Variants in LUZP1 observed in about 807,000 individuals in gnomAD.
LUZP1 encodes the protein filamin mechanobinding actin cross-linking protein.
In LUZP1, 25 loss-of-function variants were observed where a neutral mutation model predicts 71.3. The observed-to-expected ratio is 0.35, with a 90% CI of 0.26 to 0.49. LUZP1 has a LOEUF of 0.49. Ranked by LOEUF, LUZP1 falls within the 20% of genes least tolerant of loss-of-function variation. LUZP1 has a pLI of 0.99. For missense variants in LUZP1, 1,142 were observed against 1,300.8 expected, an observed-to-expected ratio of 0.88 and a Z score of 1.88; for synonymous variants, 481 against 506.4, an observed-to-expected ratio of 0.95 and a Z score of 0.67.
intron 2 of LUZP1, among the ~76,000 whole-genome samples, chr1:23,159,265 C>T (rs1446187122): frequency 1.5e-4 from 22 of 151,634 alleles, no homozygotes; most frequent in African/African-American, 4.4e-4. Flanking sequence ...GGCGTGAACC[C>T]GGGAGGCAGA....
chr1:23,145,008 A>G (rs1399127558), intron 2 of LUZP1, among the ~76,000 whole-genome samples: 1 of 151,396 alleles, frequency 6.6e-6, no homozygotes, highest in Admixed American at 6.6e-5. Flanking sequence ...TGATCTTCCC[A>G]CCTCAGCCTC....
intron 1 of LUZP1, among the ~76,000 whole-genome samples, chr1:23,170,549 C>T (rs1279984809): frequency 9.3e-5 from 14 of 150,576 alleles, no homozygotes; most frequent in Non-Finnish European, 2.1e-4. Flanking sequence ...TCACTGCAAC[C>T]TCTGCCTTCC....
chr1:23,115,031 G>A (rs1431566254), intron 2 of LUZP1, among the ~76,000 whole-genome samples: 1 of 152,178 alleles, frequency 6.6e-6, no homozygotes, highest in Non-Finnish European at 1.5e-5. Flanking sequence ...CATACCATTT[G>A]ATTAATTGGA....
chr1:23,142,239 C>T (rs1213416962), intron 2 of LUZP1, among the ~76,000 whole-genome samples: 1 of 152,144 alleles, frequency 6.6e-6, no homozygotes, highest in Non-Finnish European at 1.5e-5. Context: ...AGTAATCCTC[C>T]TGCCTTAGAC....
At chr1:23,177,285 G>C (rs992992479) in intron 1 of LUZP1, among the ~76,000 whole-genome samples, 1 of 152,076 alleles carries the variant, frequency 6.6e-6, no homozygotes. Context: ...AATTACAAGG[G>C]GTTCACAGAC....
chr1:23,165,515 T>C (rs1210771687), intron 2 of LUZP1, among the ~76,000 whole-genome samples: 1 of 145,534 alleles, frequency 6.9e-6, no homozygotes, highest in Non-Finnish European at 1.5e-5. Flanking sequence ...TCTCTATAAA[T>C]AAAAAAAAAA....
At chr1:23,096,068 A>G (rs1029991376) in intron 3 of LUZP1, among the ~76,000 whole-genome samples, 4 of 151,910 alleles carry the variant, frequency 2.6e-5, no homozygotes, top group Admixed American at 2.6e-4. Context: ...AGTTACTAAG[A>G]TTATTGGCTA....
At chr1:23,104,608 A>ATT (rs1643964801) in intron 3 of LUZP1, among the ~76,000 whole-genome samples, 1 of 152,212 alleles carries the variant, frequency 6.6e-6, no homozygotes, top group African/African-American at 2.4e-5. Context: ...GATACTTAAA[A>ATT]TATCTGTCAT....
intron 2 of LUZP1, among the ~76,000 whole-genome samples, chr1:23,154,392 T>A (rs951248416): frequency 6.6e-6 from 1 of 152,018 alleles, no homozygotes; most frequent in Non-Finnish European, 1.5e-5. Flanking sequence ...TTTTTTTAAT[T>A]ACCAGGCATG....
chr1:23,106,894 TC>T, intron 3 of LUZP1, among the ~76,000 whole-genome samples: 1 of 152,124 alleles, frequency 6.6e-6, no homozygotes, highest in East Asian at 1.9e-4. Flanking sequence ...ATCAAGTCAC[TC>T]CTCTGCTCTA....
Position 23,163,379 on chromosome 1 carries a change from T to C in LUZP1, c.-226+5387A>G, listed in dbSNP as rs575221044. On this transcript the variant is annotated intron_variant, in intron 2 of 4. Coordinates refer to ENST00000302291, the Ensembl canonical transcript of LUZP1. The stretch of plus-strand genomic sequence containing the variant: ...CTGGGCAACAAAGCAAAACCCTATC[T>C]CTACAAAAAAAAAAAAAATGTTTCT... Among the ~76,000 whole-genome samples the C allele has an allele frequency of 2.1e-5, 3 of 142,536 alleles. No homozygotes were observed. The South Asian group carries it at 6.6e-4, about 31-fold the overall frequency. The allele number at this position is 142,536 out of a possible 152,430, so 93.5% of individuals were successfully genotyped here. A position where few individuals can be genotyped will look rare whatever the true frequency, so the allele number is the denominator to read the frequency against.
At chr1:23,158,353 T>C (rs1483857677) in intron 2 of LUZP1, among the ~76,000 whole-genome samples, 1 of 152,192 alleles carries the variant, frequency 6.6e-6, no homozygotes, top group African/African-American at 2.4e-5. Context: ...AAATTTTTCT[T>C]GTAAAAGATG....
intron 1 of LUZP1, among the ~76,000 whole-genome samples, chr1:23,170,746 C>T (rs1177976723): frequency 2.0e-5 from 3 of 152,146 alleles, no homozygotes; most frequent in South Asian, 2.1e-4. Context: ...GGATTACAGA[C>T]GTGAGCCACC....
intron 2 of LUZP1, among the ~76,000 whole-genome samples, chr1:23,162,255 T>C (rs1386791281): frequency 2.6e-5 from 4 of 151,912 alleles, no homozygotes; most frequent in Non-Finnish European, 5.9e-5. Flanking sequence ...AGACAGGAAC[T>C]GAAAGGGAAC....
chr1:23,145,491 C>G (rs1644335988), intron 2 of LUZP1, among the ~76,000 whole-genome samples: 1 of 133,460 alleles, frequency 7.5e-6, no homozygotes, highest in African/African-American at 2.9e-5. Context: ...TTTTTTGAGA[C>G]GGAGTCTTAC....
At chr1:23,176,710 A>G (rs1335992950) in intron 1 of LUZP1, among the ~76,000 whole-genome samples, 1 of 152,206 alleles carries the variant, frequency 6.6e-6, no homozygotes, top group African/African-American at 2.4e-5. Flanking sequence ...AAAGAGTCTC[A>G]AGATCCAGTA....
chr1:23,088,632 A>G, exon 5 of LUZP1: 1 of 382,838 alleles, frequency 2.6e-6, no homozygotes, highest in East Asian at 4.6e-5. Context: ...AGAATGGTCC[A>G]ACTACTTGGT....
chr1:23,129,653 T>C (rs1443646515), intron 2 of LUZP1, among the ~76,000 whole-genome samples: 1 of 152,206 alleles, frequency 6.6e-6, no homozygotes, highest in Non-Finnish European at 1.5e-5. Context: ...CATAGCCTTC[T>C]TATAATTCAA....
intron 3 of LUZP1, among the ~76,000 whole-genome samples, chr1:23,105,842 A>C (rs1643976598): frequency 6.6e-6 from 1 of 152,204 alleles, no homozygotes; most frequent in East Asian, 1.9e-4. Context: ...ACTATTCAAG[A>C]AGCTCCAAAG....
Sources: allele counts gnomAD v4.1 joint callset (sites outside exome capture counted in the v4.1 genomes callset), GRCh38; gene constraint gnomAD v4.1.1; transcripts MANE v1.5; gene names NCBI Gene and HGNC (gene_info 2026-07-23, HGNC 2026-07-21).